Variants in CACNA1E observed in about 807,000 individuals in gnomAD.
CACNA1E encodes voltage-dependent R-type calcium channel subunit alpha-1E.
A neutral mutation model predicts 259.2 loss-of-function variants in CACNA1E; 40 were observed. That is an observed-to-expected ratio of 0.15 (90% confidence interval 0.12 to 0.20). The LOEUF is 0.20. CACNA1E is among the 10% of genes least tolerant of loss of function. The probability of loss-of-function intolerance (pLI) is 1.00; values close to 1 mark genes in which losing one functional copy is unlikely to be tolerated. For synonymous variants in CACNA1E, 1,104 were observed against 1,138.5 expected (o/e 0.97, Z 0.61); for missense variants, 1,874 against 3,040.1 (o/e 0.62, Z 9.02).
chr1:181,473,206 A>C (rs1662627943), intron 2 of CACNA1E, among the ~76,000 whole-genome samples: 2 of 151,868 alleles, frequency 1.3e-5, no homozygotes, highest in Non-Finnish European at 2.9e-5. Context: ...TCCCTTACTG[A>C]CCTCTCCAGA....
rs187483247 is a variant in CACNA1E at position 181,493,010 on chromosome 1, C to T, written c.266+9000C>T. On this transcript the variant is annotated intron_variant, in intron 1 of 47. Transcript: ENST00000367573. ...AAGTGTCTAGATGGCATCTAGATGA[C>T]TCTTTTTGGAGTGTTGGGACCATTA... Among the ~76,000 whole-genome samples, 41 of 152,248 alleles carry T rather than the reference C, an allele frequency of 2.7e-4. No homozygotes were observed. The East Asian group carries it at 6.8e-3, about 25-fold the overall frequency.
At chr1:181,789,969 A>G (rs1359519202) in intron 43 of CACNA1E, among the ~76,000 whole-genome samples, 1 of 152,248 alleles carries the variant, frequency 6.6e-6, no homozygotes, top group Non-Finnish European at 1.5e-5. Flanking sequence ...ATAAATGGCA[A>G]TGGAATTGGA....
intron 45 of CACNA1E, among the ~76,000 whole-genome samples, chr1:181,794,606 G>A (rs753961169): frequency 2.6e-5 from 4 of 152,238 alleles, no homozygotes; most frequent in Non-Finnish European, 4.4e-5. Context: ...CATTCCGCAT[G>A]GCTTTGCCTT....
intron 1 of CACNA1E, among the ~76,000 whole-genome samples, chr1:181,353,343 C>G (rs866071759): frequency 6.6e-5 from 10 of 152,198 alleles, no homozygotes; most frequent in Middle Eastern, 6.3e-3. Context: ...GATAGGCAAT[C>G]ACTACAGAGT....
chr1:181,580,495 G>T, intron 5 of CACNA1E, 100 bp from the exon 6 acceptor site: 1 of 1,162,470 alleles, frequency 8.6e-7, no homozygotes, highest in Non-Finnish European at 1.3e-6. Context: ...GCCTCTTTCC[G>T]TGGGGGAATG....
Position 181,798,246 on chromosome 1 carries a change from T to C in CACNA1E, c.6400-46T>C. On this transcript the variant is annotated intron_variant, in intron 47 of 47. Transcript: ENST00000367573. This position sits in a 1 kb window ranked among gnomAD's most constrained non-coding sequence, Gnocchi z 4.2. ...CTCTTAACAGAGTTGCAAGTAGGGA[T>C]CATGCCAAGCCCAATCTAACATGCC... is the stretch of plus-strand genomic sequence containing the variant. 2.7e-6 allele frequency: 4 copies of C among 1,480,430 alleles called. No individual in the cohort carries two copies. The South Asian group carries it at 5.0e-5, about 19-fold the overall frequency. 91.7% of individuals were successfully genotyped at this position (1,480,430 alleles called of 1,614,324 possible). A position where few individuals can be genotyped will look rare whatever the true frequency, so the allele number is the denominator to read the frequency against.
intron 1 of CACNA1E, among the ~76,000 whole-genome samples, chr1:181,493,399 AC>A (rs1664483237): frequency 6.6e-6 from 1 of 152,230 alleles, no homozygotes; most frequent in Non-Finnish European, 1.5e-5. Context: ...TGAATTCAAT[AC>A]AGAAACTCTT....
At chr1:181,515,249 C>G (rs566833023) in intron 3 of CACNA1E, among the ~76,000 whole-genome samples, 1 of 152,236 alleles carries the variant, frequency 6.6e-6, no homozygotes, top group African/African-American at 2.4e-5. Flanking sequence ...GACAGGGGCC[C>G]AATGTGTCCA....
chr1:181,539,648 C>T (rs1668434775), intron 3 of CACNA1E, among the ~76,000 whole-genome samples: 1 of 152,232 alleles, frequency 6.6e-6, no homozygotes, highest in African/African-American at 2.4e-5. Context: ...CTGAGTCCCA[C>T]TGAAGCTTTT....
At chr1:181,648,608 A>G (rs1658493708) in intron 6 of CACNA1E, among the ~76,000 whole-genome samples, 1 of 152,254 alleles carries the variant, frequency 6.6e-6, no homozygotes. Context: ...CTTTGGTTAC[A>G]GAAGCCCCTT....
intron 17 of CACNA1E, among the ~76,000 whole-genome samples, chr1:181,724,754 C>T (rs1347238793): frequency 3.9e-5 from 6 of 152,204 alleles, no homozygotes. Context: ...CAGGGGGCCT[C>T]AAGGAACACA....
chr1:181,758,342 A>G lies in CACNA1E; in HGVS notation c.4494+231A>G, dbSNP rs186943971. Among the ~76,000 whole-genome samples the G allele has an allele frequency of 1.3e-5, 2 of 152,332 alleles. No homozygotes were observed. Among genetic ancestry groups the G allele is most frequent in the African/African-American group, 2.4e-5 (1 of 41,582 alleles). On this transcript the variant is annotated intron_variant, in intron 31 of 47. Transcript: ENST00000367573. The surrounding 1 kb of genome is among the most constrained non-coding windows in gnomAD (Gnocchi z 4.2). ...GCCATCCAGGGGCTCCCAAGACCTG[A>G]GATGGCAATGGGAGGCAGCTTCAGA...
chr1:181,671,912 T>C (rs1002808755), intron 7 of CACNA1E, among the ~76,000 whole-genome samples: 1 of 152,194 alleles, frequency 6.6e-6, no homozygotes, highest in African/African-American at 2.4e-5. Flanking sequence ...TATAAATCAT[T>C]CTACTGTAAA....
chr1:181,693,128 CA>C (rs61662957), intron 7 of CACNA1E, among the ~76,000 whole-genome samples: 8,312 of 97,908 alleles, frequency 0.085, 205 homozygotes, highest in African/African-American at 0.17. Flanking sequence ...CTATCTAAAG[CA>C]AAAAAAAAAA....
At chr1:181,731,116 T>A in intron 18 of CACNA1E, 59 bp from the exon 19 acceptor site, 1 of 1,370,578 alleles carries the variant, frequency 7.3e-7, no homozygotes, top group South Asian at 1.2e-5. Context: ...CTGGTGGCTG[T>A]GGGGCTTGAG....
chr1:181,413,180 C>T (rs1335031644), exon 2 of CACNA1E: 1 of 152,922 alleles, frequency 6.5e-6, no homozygotes, highest in Non-Finnish European at 1.5e-5. Flanking sequence ...GAGCCCAGAC[C>T]GCAGGCTGCC....
intron 27 of CACNA1E, among the ~76,000 whole-genome samples, chr1:181,753,683 A>G (rs1193248701): frequency 6.6e-6 from 1 of 152,046 alleles, no homozygotes; most frequent in Non-Finnish European, 1.5e-5. Flanking sequence ...TTGCTTCTCA[A>G]TTCCCACTTC....
chr1:181,476,266 G>A (rs1662845418), intron 2 of CACNA1E, among the ~76,000 whole-genome samples: 1 of 152,168 alleles, frequency 6.6e-6, no homozygotes, highest in Non-Finnish European at 1.5e-5. Flanking sequence ...ATATCATATG[G>A]GAATGCCTTC....
rs776364403 is a variant in CACNA1E at position 181,580,673 on chromosome 1, T to C, written c.848T>C (p.Ile283Thr). 6.2e-7 allele frequency: 1 copy of C among 1,614,046 alleles called. No homozygotes were observed. The highest frequency in any genetic ancestry group is 1.7e-5 in the Admixed American group (1 of 60,032). The change falls in exon 6 of 48, where the codon ATC becomes ACC. Residue 283 changes from isoleucine to threonine, a missense_variant. By Grantham distance (89) the Ile-to-Thr change is moderately conservative (BLOSUM62 -1). Around this residue, in one of 14 missense-constraint regions of CACNA1E, gnomAD observed 28 missense variants for 64.6 expected, o/e 0.43. Coordinates refer to ENST00000367573, the MANE Select transcript of CACNA1E (RefSeq NM_001205293.3). ...CPAGYECKDW[I>T]GPNDGITQFD... The stretch of plus-strand genomic sequence containing the variant: ...GCTGGTTATGAATGCAAGGACTGGA[T>C]CGGCCCCAATGATGGGATCACCCAG...
Sources: allele counts gnomAD v4.1 joint callset (sites outside exome capture counted in the v4.1 genomes callset), GRCh38; gene constraint gnomAD v4.1.1; regional missense constraint gnomAD v4.1.1; non-coding constraint Gnocchi (gnomAD v3.1); transcripts MANE v1.5; gene names NCBI Gene and HGNC (gene_info 2026-07-23, HGNC 2026-07-21).